Variants in CACNA2D3 observed in about 807,000 individuals in gnomAD.
The protein encoded by CACNA2D3 is calcium voltage-gated channel auxiliary subunit alpha2delta 3.
Under a neutral mutation model 160.6 loss-of-function variants are expected in CACNA2D3, and 60 were observed. That is an observed-to-expected ratio of 0.37 (90% CI 0.30 to 0.46). The LOEUF (loss-of-function observed/expected upper bound fraction) is 0.46, where lower values mean the gene tolerates loss of function less well. CACNA2D3 is among the 20% of genes least tolerant of loss of function. The pLI, the probability that CACNA2D3 is intolerant of heterozygous loss-of-function variation, is 1.00. For synonymous variants in CACNA2D3, 558 were observed against 492.9 expected (o/e 1.13, Z -1.75); for missense variants, 1,205 against 1,365.0 (o/e 0.88, Z 1.85).
At chr3:54,914,232 C>G (rs1700614334) in intron 27 of CACNA2D3, among the ~76,000 whole-genome samples, 2 of 151,946 alleles carry the variant, frequency 1.3e-5, no homozygotes. Flanking sequence ...GGTTTAATCT[C>G]TTATGTCAAC....
At chr3:54,660,845 G>T (rs190131947) in intron 11 of CACNA2D3, among the ~76,000 whole-genome samples, 3 of 152,004 alleles carry the variant, frequency 2.0e-5, no homozygotes, top group Non-Finnish European at 4.4e-5. Context: ...AGTGGAGCTC[G>T]GTTCATTGTT....
At position 54,238,233 on chromosome 3, in the gene CACNA2D3, C is replaced by T. The variant is rs76516423; in HGVS notation, c.205-82209C>T. Among the ~76,000 whole-genome samples the T allele has an allele frequency of 4.7e-3, 722 of 152,272 alleles. 11 individuals are homozygous for T. The highest frequency in any genetic ancestry group is 0.045 in the East Asian group (231 of 5,178). ...TGTATGTTTGTAACTTTTTTAATAGCGTGGCTGAGCCTCTGTGGAACCTTG... is the reference window on the plus strand; with the variant it reads ...TGTATGTTTGTAACTTTTTTAATAGTGTGGCTGAGCCTCTGTGGAACCTTG... On this transcript the variant is annotated intron_variant, in intron 2 of 37. Transcript: ENST00000474759.
At chr3:54,224,912 G>A (rs1425103141) in intron 2 of CACNA2D3, among the ~76,000 whole-genome samples, 1 of 146,186 alleles carries the variant, frequency 6.8e-6, no homozygotes, top group Non-Finnish European at 1.5e-5. Context: ...TTAGATTCCC[G>A]AAGCTTCCTG....
At chr3:54,833,554 C>A (rs1396289630) in intron 14 of CACNA2D3, among the ~76,000 whole-genome samples, 2 of 151,460 alleles carry the variant, frequency 1.3e-5, no homozygotes, top group Non-Finnish European at 2.9e-5. Flanking sequence ...GGTTTCTGGC[C>A]ATAGTTGGCT....
intron 31 of CACNA2D3, among the ~76,000 whole-genome samples, chr3:54,989,814 C>T (rs1301662751): frequency 6.6e-6 from 1 of 152,154 alleles, no homozygotes; most frequent in African/African-American, 2.4e-5. Context: ...CCAGGTATTG[C>T]TTCATCTACA....
intron 11 of CACNA2D3, among the ~76,000 whole-genome samples, chr3:54,690,630 A>T (rs985996766): frequency 2.0e-5 from 3 of 152,174 alleles, no homozygotes; most frequent in Non-Finnish European, 4.4e-5. Flanking sequence ...TAACTAGACT[A>T]AATATCCTTT....
intron 2 of CACNA2D3, among the ~76,000 whole-genome samples, chr3:54,155,565 C>T (rs1700230879): frequency 6.6e-6 from 1 of 152,172 alleles, no homozygotes; most frequent in Admixed American, 6.5e-5. Context: ...TAAAGGTAAC[C>T]TTAAATACAA....
intron 2 of CACNA2D3, among the ~76,000 whole-genome samples, chr3:54,137,786 ACT>A (rs145225660): frequency 0.12 from 18,482 of 151,848 alleles, 1,456 homozygotes; most frequent in Middle Eastern, 0.22. Flanking sequence ...ATTCTACTCT[ACT>A]CTGTTTTCTA....
chr3:54,272,014 A>T (rs1460395806), intron 2 of CACNA2D3, among the ~76,000 whole-genome samples: 1 of 152,158 alleles, frequency 6.6e-6, no homozygotes, highest in Non-Finnish European at 1.5e-5. Context: ...ATCTTGTTTC[A>T]GTATAAAGCT....
chr3:54,849,055 T>G (rs1698995282), intron 17 of CACNA2D3, among the ~76,000 whole-genome samples: 1 of 152,188 alleles, frequency 6.6e-6, no homozygotes, highest in African/African-American at 2.4e-5. Context: ...ACTTTTTGAT[T>G]ATTCAGGTGA....
intron 35 of CACNA2D3, among the ~76,000 whole-genome samples, chr3:55,061,954 A>G (rs900871819): frequency 3.3e-5 from 5 of 152,240 alleles, no homozygotes; most frequent in African/African-American, 1.2e-4. Flanking sequence ...AGAAACTTCT[A>G]TAGAAGGTCA....
chr3:54,541,081 T>G (rs960422177), intron 5 of CACNA2D3, among the ~76,000 whole-genome samples: 6 of 151,726 alleles, frequency 4.0e-5, no homozygotes, highest in South Asian at 4.2e-4. Context: ...ATTGAGACCA[T>G]CCTGGCTAAC....
intron 11 of CACNA2D3, among the ~76,000 whole-genome samples, chr3:54,694,182 CTATGTTTAGG>C (rs1042348039): frequency 1.1e-4 from 16 of 152,140 alleles, no homozygotes; most frequent in African/African-American, 2.9e-4. Flanking sequence ...GATATCTTTT[CTATGTTTAGG>C]TATGTTTAGA....
rs10663453 is a variant in CACNA2D3, at chr3:54,230,129, G to GTTTTT, written c.205-90304_205-90300dup. 4.8e-3 allele frequency among the ~76,000 whole-genome samples: 692 copies of GTTTTT among 143,506 alleles called. 18 individuals are homozygous for GTTTTT. In the East Asian group the frequency reaches 0.092, roughly 19 times the overall value. 94.1% of individuals were successfully genotyped at this position (143,506 alleles called of 152,430 possible). A position where few individuals can be genotyped will look rare whatever the true frequency, so the allele number is the denominator to read the frequency against. On this transcript the variant is annotated intron_variant, in intron 2 of 37. Transcript: ENST00000474759. ...CACAGTGCTATTAAGTCATTTAATT[G>GTTTTT]TTTTTTTTTTTTTCCATTCTGTGTT...
intron 17 of CACNA2D3, among the ~76,000 whole-genome samples, chr3:54,856,433 C>T (rs1050920736): frequency 6.6e-6 from 1 of 152,104 alleles, no homozygotes. Flanking sequence ...GACTGGAACC[C>T]TTCCTCCCTT....
chr3:54,193,192 C>G (rs1476128231), intron 2 of CACNA2D3, among the ~76,000 whole-genome samples: 4 of 152,288 alleles, frequency 2.6e-5, no homozygotes, highest in Non-Finnish European at 5.9e-5. Flanking sequence ...TGAGTTGGAA[C>G]CTGGTTTCAG....
chr3:54,835,633 GTGGAACTAAAGCTA>G (rs1349883670), intron 14 of CACNA2D3, among the ~76,000 whole-genome samples: 2 of 152,208 alleles, frequency 1.3e-5, no homozygotes, highest in African/African-American at 4.8e-5. Flanking sequence ...TGATTATTCT[GTGGAACTAAAGCTA>G]TGGAAGAGAA....
In CACNA2D3 at chr3:54,665,789, AT is replaced by A. The variant is rs535697929; in HGVS notation, c.1167+23565del. On this transcript the variant is annotated intron_variant, in intron 11 of 37. Coordinates refer to ENST00000474759, the MANE Select transcript of CACNA2D3 (RefSeq NM_018398.3). ...TGGATGGGTGAGACAGAGGATGGTT[AT>A]TTTTTTTTTTTTTTTTGAGACAGGG... Among the ~76,000 whole-genome samples the A allele has an allele frequency of 9.9e-3, 1,326 of 134,512 alleles. 5 individuals are homozygous for A. The highest frequency in any genetic ancestry group is 0.018 in the African/African-American group (655 of 36,838). 88.2% of individuals were successfully genotyped at this position (134,512 alleles called of 152,430 possible).
At chr3:54,824,789 T>G (rs1446756973) in intron 14 of CACNA2D3, among the ~76,000 whole-genome samples, 1 of 152,212 alleles carries the variant, frequency 6.6e-6, no homozygotes, top group Admixed American at 6.5e-5. Flanking sequence ...GGGGTAGTGT[T>G]GGCCATGGCA....
Sources: gnomAD v4.1 joint callset for allele counts (sites outside exome capture counted in the v4.1 genomes callset) on GRCh38, gnomAD v4.1.1 for gene constraint, MANE v1.5 for transcripts, NCBI Gene and HGNC (gene_info 2026-07-23, HGNC 2026-07-21) for gene names.